The following KDM4B variants were observed in gnomAD, a reference collection of about 807,000 sequenced individuals.
KDM4B encodes lysine demethylase 4B.
KDM4B carries 32 observed loss-of-function variants against 125.2 expected under a neutral mutation model. That is an observed-to-expected ratio of 0.26 (90% CI 0.19 to 0.34). The LOEUF is 0.34. Among genes scored for constraint, KDM4B ranks in the 10% least tolerant of loss-of-function variants. KDM4B has a pLI of 1.00. For synonymous variants in KDM4B, 721 were observed against 677.9 expected, an observed-to-expected ratio of 1.06 and a Z score of -0.99; for missense variants, 1,190 against 1,577.7, an observed-to-expected ratio of 0.75 and a Z score of 4.16.
chr19:5,151,560 A>G lies in KDM4B; in HGVS notation c.*49A>G, dbSNP rs1473543768. On this transcript the variant is annotated 3_prime_UTR_variant, in exon 23 of 23. Coordinates refer to ENST00000159111, the MANE Select transcript of KDM4B (RefSeq NM_015015.3). ...CTCAGCCCGGCGGGGAGGCCATGGC[A>G]TGCCCCGGGCGTTCGCTTGCTGTGA... 1.6e-6 allele frequency: 2 copies of G among 1,288,998 alleles called. No individual in the cohort carries two copies. The highest frequency in any genetic ancestry group is 1.5e-5 in the African/African-American group (1 of 64,614). The allele number at this position is 1,288,998 out of a possible 1,614,324, so 79.8% of individuals were successfully genotyped here.
intron 1 of KDM4B, among the ~76,000 whole-genome samples, chr19:5,006,965 G>A (rs2035580693): frequency 6.6e-6 from 1 of 152,108 alleles, no homozygotes; most frequent in South Asian, 2.1e-4. Context: ...CACCAGAGCG[G>A]GCCCCAGCCA....
At position 5,151,761 on chromosome 19, in the gene KDM4B, A is replaced by C; in HGVS notation, c.*250A>C. 2.6e-6 allele frequency: 1 copy of C among 381,416 alleles called. No individual in the cohort carries two copies. Among genetic ancestry groups the C allele is most frequent in the Non-Finnish European group, 4.6e-6 (1 of 215,494 alleles). The allele number at this position is 381,416 out of a possible 1,614,324, so 23.6% of individuals were successfully genotyped here. On this transcript the variant is annotated 3_prime_UTR_variant, in exon 23 of 23. Transcript: ENST00000159111. ...ACTCAACTACTCAGAATTTTAAACC[A>C]TGTAAGCTCTCTTCTTCTCGAAAAG...
At chr19:5,037,987 T>C (rs945078669) in intron 3 of KDM4B, among the ~76,000 whole-genome samples, 1 of 152,288 alleles carries the variant, frequency 6.6e-6, no homozygotes, top group Non-Finnish European at 1.5e-5. Flanking sequence ...ATGTGATCGC[T>C]GGGTCCTTGG....
intron 9 of KDM4B, among the ~76,000 whole-genome samples, chr19:5,089,935 G>A (rs962148301): frequency 6.6e-6 from 1 of 152,150 alleles, no homozygotes; most frequent in Non-Finnish European, 1.5e-5. Context: ...ATTTAGGGAG[G>A]CCGAGGTAGG....
intron 5 of KDM4B, among the ~76,000 whole-genome samples, chr19:5,046,052 T>C (rs1190188051): frequency 6.6e-6 from 1 of 152,232 alleles, no homozygotes; most frequent in East Asian, 1.9e-4. Context: ...TCCTGCCTGA[T>C]TGTTTTCAAG....
intron 18 of KDM4B, 67 bp from the exon 19 acceptor site, chr19:5,143,900 G>T (rs929568081): frequency 1.5e-6 from 2 of 1,295,414 alleles, no homozygotes; most frequent in East Asian, 2.3e-5. Context: ...GGAGGGGCCG[G>T]GGACTCCGTT....
At chr19:4,989,649 C>T (rs2034969173) in intron 1 of KDM4B, among the ~76,000 whole-genome samples, 1 of 150,250 alleles carries the variant, frequency 6.7e-6, no homozygotes, top group African/African-American at 2.5e-5. Context: ...TCTTCTTCTT[C>T]TTCTTCTTCT....
At chr19:5,042,217 T>C (rs917723817) in intron 5 of KDM4B, among the ~76,000 whole-genome samples, 1 of 152,246 alleles carries the variant, frequency 6.6e-6, no homozygotes, top group African/African-American at 2.4e-5. Context: ...AAGAAATAAC[T>C]GAGGCTGGGC....
chr19:5,001,469 C>T (rs2035382080), intron 1 of KDM4B, among the ~76,000 whole-genome samples: 1 of 152,216 alleles, frequency 6.6e-6, no homozygotes, highest in Admixed American at 6.5e-5. Flanking sequence ...CAGCGAAGTC[C>T]ACCCAGTGTC....
Position 5,031,823 on chromosome 19 carries a change from T to G in KDM4B, c.-25-1043T>G, listed in dbSNP as rs548846093. On this transcript the variant is annotated intron_variant, in intron 2 of 22. Coordinates refer to ENST00000159111, the MANE Select transcript of KDM4B (RefSeq NM_015015.3). ...GGGAGTGCCTTCAGGAGCGGGTGGCTGCACCTTGGTGGCTGGGAACCCCAC... is the reference window on the plus strand; with the variant it reads ...GGGAGTGCCTTCAGGAGCGGGTGGCGGCACCTTGGTGGCTGGGAACCCCAC... 2.6e-5 allele frequency among the ~76,000 whole-genome samples: 4 copies of G among 152,320 alleles called. No individual in the cohort carries two copies. In the South Asian group the frequency reaches 8.3e-4, roughly 32 times the overall value.
At chr19:5,049,290 G>A (rs1456973286) in intron 6 of KDM4B, among the ~76,000 whole-genome samples, 1 of 152,092 alleles carries the variant, frequency 6.6e-6, no homozygotes, top group Non-Finnish European at 1.5e-5. Context: ...GCCCCTCACT[G>A]CACCCCTCCT....
chr19:4,987,487 G>A (rs558416750), intron 1 of KDM4B, among the ~76,000 whole-genome samples: 25 of 152,216 alleles, frequency 1.6e-4, no homozygotes, highest in African/African-American at 4.8e-4. Context: ...CCGGAGGGGG[G>A]TTATCTCGGG....
intron 8 of KDM4B, among the ~76,000 whole-genome samples, chr19:5,080,535 C>T (rs771183910): frequency 3.3e-5 from 5 of 152,262 alleles, no homozygotes; most frequent in East Asian, 1.9e-4. Flanking sequence ...AGGACGGCCA[C>T]GTCAGAACAC....
At chr19:5,090,647 G>A (rs930877242) in intron 9 of KDM4B, among the ~76,000 whole-genome samples, 15 of 49,286 alleles carry the variant, frequency 3.0e-4, no homozygotes, top group African/African-American at 9.7e-4. Context: ...GCCCCCCTCC[G>A]GCCCCCCCTT....
intron 1 of KDM4B, among the ~76,000 whole-genome samples, chr19:4,976,856 AG>A (rs541744719): frequency 5.3e-5 from 8 of 152,326 alleles, no homozygotes; most frequent in African/African-American, 1.9e-4. Context: ...TGAGCCAAGT[AG>A]GTCTTTGGCA....
chr19:4,983,111 A>G (rs1382444779), intron 1 of KDM4B, among the ~76,000 whole-genome samples: 1 of 149,102 alleles, frequency 6.7e-6, no homozygotes, highest in East Asian at 2.0e-4. Context: ...TGTTGGTGAG[A>G]TGTTTCACAC....
intron 2 of KDM4B, among the ~76,000 whole-genome samples, chr19:5,025,935 T>C (rs554248622): frequency 3.1e-4 from 47 of 152,156 alleles, no homozygotes; most frequent in African/African-American, 1.1e-3. Flanking sequence ...CAGGCTGGAG[T>C]GCAATGGCAC....
intron 10 of KDM4B, among the ~76,000 whole-genome samples, chr19:5,116,306 A>G (rs2039255387): frequency 6.6e-6 from 1 of 151,904 alleles, no homozygotes; most frequent in African/African-American, 2.4e-5. Flanking sequence ...ATTTACAGTC[A>G]TAATGCCACA....
intron 10 of KDM4B, chr19:5,113,950 C>T (rs1687085925): frequency 1.6e-6 from 2 of 1,227,024 alleles, no homozygotes; most frequent in Non-Finnish European, 2.1e-6. Context: ...GGCCTACTCC[C>T]TGCTCGCCAC....
Sources: allele counts gnomAD v4.1 joint callset (sites outside exome capture counted in the v4.1 genomes callset), GRCh38; gene constraint gnomAD v4.1.1; transcripts MANE v1.5; gene names NCBI Gene and HGNC (gene_info 2026-07-23, HGNC 2026-07-21).